Variants in AK9 observed in about 807,000 individuals in gnomAD.
The protein encoded by AK9 is adenylate kinase domain containing 1.
Under a neutral mutation model 239.6 loss-of-function variants are expected in AK9, and 191 were observed. That is an observed-to-expected ratio of 0.80 (90% CI 0.71 to 0.90). The LOEUF (loss-of-function observed/expected upper bound fraction) is 0.90, where lower values mean the gene tolerates loss of function less well. Ranked by LOEUF, AK9 falls within the 40% of genes least tolerant of loss-of-function variation. The pLI, the probability that AK9 is intolerant of heterozygous loss-of-function variation, is 0.00. For synonymous variants in AK9, 689 were observed against 721.0 expected (o/e 0.96, Z 0.71); for missense variants, 1,995 against 2,214.7 (o/e 0.90, Z 1.99).
intron 17 of AK9, among the ~76,000 whole-genome samples, chr6:109,603,234 G>A (rs142968463): frequency 1.7e-4 from 26 of 152,218 alleles, no homozygotes; most frequent in Non-Finnish European, 2.9e-4. Flanking sequence ...TGATGGTGAC[G>A]TACAGATGAG....
At chr6:109,511,713 AG>A (rs1778770916) in intron 32 of AK9, among the ~76,000 whole-genome samples, 2 of 152,230 alleles carry the variant, frequency 1.3e-5, no homozygotes, top group Admixed American at 6.5e-5. Context: ...CACCCAATAA[AG>A]AAGTTCCTAT....
At chr6:109,531,892 C>T (rs529904530) in intron 28 of AK9, among the ~76,000 whole-genome samples, 1 of 152,318 alleles carries the variant, frequency 6.6e-6, no homozygotes, top group Admixed American at 6.5e-5. Context: ...CTCTGCCTGT[C>T]TTGATACTGT....
chr6:109,646,966 A>G (rs1315793559), intron 8 of AK9, among the ~76,000 whole-genome samples: 1 of 152,250 alleles, frequency 6.6e-6, no homozygotes, highest in East Asian at 1.9e-4. Flanking sequence ...TTTTCAACCC[A>G]GAATTTCATA....
chr6:109,678,358 T>C (rs1215939806), intron 1 of AK9, among the ~76,000 whole-genome samples: 2 of 152,126 alleles, frequency 1.3e-5, no homozygotes, highest in Admixed American at 1.3e-4. Context: ...ATTCTTGAAA[T>C]GACAAAAATA....
chr6:109,506,280 A>C (rs753507310), intron 35 of AK9, 47 bp downstream of exon 35: 1 of 1,559,224 alleles, frequency 6.4e-7, no homozygotes, highest in Middle Eastern at 1.8e-4. Context: ...AGGCATGTTT[A>C]CACTTGAAAT....
chr6:109,504,665 C>T (rs1311185012), intron 35 of AK9, among the ~76,000 whole-genome samples: 1 of 151,384 alleles, frequency 6.6e-6, no homozygotes, highest in Non-Finnish European at 1.5e-5. Context: ...AAAAATTAGC[C>T]GGGCATGGTG....
At chr6:109,589,278 T>C (rs1789911561) in intron 17 of AK9, among the ~76,000 whole-genome samples, 2 of 152,182 alleles carry the variant, frequency 1.3e-5, no homozygotes, top group African/African-American at 4.8e-5. Flanking sequence ...GTTCTCCTTG[T>C]AGAGATCTTT....
At chr6:109,643,315 C>T (rs911023343) in intron 9 of AK9, among the ~76,000 whole-genome samples, 1 of 152,172 alleles carries the variant, frequency 6.6e-6, no homozygotes, top group Non-Finnish European at 1.5e-5. Flanking sequence ...ACCATGCTGC[C>T]ACCAGTCATA....
intron 31 of AK9, among the ~76,000 whole-genome samples, chr6:109,515,200 G>C (rs1779155857): frequency 6.6e-6 from 1 of 152,190 alleles, no homozygotes. Flanking sequence ...TTGGGTTCTT[G>C]GGTTATCTTT....
chr6:109,508,977 T>C (rs1229271516), intron 33 of AK9, among the ~76,000 whole-genome samples: 1 of 152,194 alleles, frequency 6.6e-6, no homozygotes, highest in African/African-American at 2.4e-5. Context: ...TGCCTGCTAA[T>C]CTGGCATGTG....
chr6:109,549,352 C>T (rs1784013506), intron 25 of AK9, among the ~76,000 whole-genome samples: 1 of 152,166 alleles, frequency 6.6e-6, no homozygotes, highest in African/African-American at 2.4e-5. Flanking sequence ...AGTAATCTTA[C>T]TTCCATAGAT....
intron 1 of AK9, among the ~76,000 whole-genome samples, chr6:109,678,771 G>A (rs1772148625): frequency 6.6e-6 from 1 of 152,130 alleles, no homozygotes; most frequent in African/African-American, 2.4e-5. Context: ...TCATCTCACT[G>A]GGACTGGTTA....
At chr6:109,495,716 C>G (rs375819619) in intron 38 of AK9, among the ~76,000 whole-genome samples, 1 of 152,212 alleles carries the variant, frequency 6.6e-6, no homozygotes, top group East Asian at 1.9e-4. Flanking sequence ...CCAAATGCCC[C>G]CTCACCCCCA....
intron 17 of AK9, among the ~76,000 whole-genome samples, chr6:109,609,119 C>CTA (rs1793276049): frequency 6.6e-6 from 1 of 152,144 alleles, no homozygotes; most frequent in Non-Finnish European, 1.5e-5. Context: ...CCATCTAATA[C>CTA]TATATATATT....
intron 8 of AK9, among the ~76,000 whole-genome samples, chr6:109,647,660 G>A (rs1265699209): frequency 1.3e-5 from 2 of 152,136 alleles, no homozygotes; most frequent in South Asian, 2.1e-4. Context: ...ACACCCCACT[G>A]TCAACATTAG....
chr6:109,514,255 A>G lies in AK9; in HGVS notation c.4248T>C (p.Ile1416=). 1 of 1,551,580 alleles carries G rather than the reference A, an allele frequency of 6.4e-7. No individual in the cohort carries two copies. Among genetic ancestry groups the G allele is most frequent in the South Asian group, 1.2e-5 (1 of 83,894 alleles). Residue 1416 remains isoleucine (I), a synonymous_variant, in exon 32 of 41, where the codon ATT becomes ATC. Coordinates refer to ENST00000424296, the MANE Select transcript of AK9 (RefSeq NM_001145128.3). ...TTTTCCCAGATTTTGGAGGCCCCAC[A>G]ATTATAATCCTAATGGGCACAGTAG... ...PKPTVPIRII[I]VGPPKSGKTT...
intron 12 of AK9, 83 bp downstream of exon 12, chr6:109,632,840 G>A: frequency 6.9e-7 from 1 of 1,456,462 alleles, no homozygotes; most frequent in South Asian, 1.4e-5. Flanking sequence ...TTATAATCGA[G>A]TATAGATACA....
chr6:109,613,025 G>A lies in AK9; in HGVS notation c.1610-932C>T, dbSNP rs189596152. ...ATATATTATATATTATAAATTGAAC[G>A]TTTATAGAATTTGATATAATCAATC... On this transcript the variant is annotated intron_variant, in intron 15 of 40. Coordinates refer to ENST00000424296, the MANE Select transcript of AK9 (RefSeq NM_001145128.3). Among the ~76,000 whole-genome samples, 1,132 of 148,454 alleles carry A rather than the reference G, an allele frequency of 7.6e-3. 5 individuals are homozygous for A. Among genetic ancestry groups the A allele is most frequent in the Non-Finnish European group, 0.013 (864 of 67,242 alleles).
chr6:109,566,058 T>C (rs962596034), intron 21 of AK9, among the ~76,000 whole-genome samples: 3 of 152,148 alleles, frequency 2.0e-5, no homozygotes, highest in African/African-American at 7.2e-5. Flanking sequence ...CTTCTCTGGC[T>C]TAATCAAAGA....
Sources: gnomAD v4.1 joint callset for allele counts (sites outside exome capture counted in the v4.1 genomes callset) on GRCh38, gnomAD v4.1.1 for gene constraint, MANE v1.5 for transcripts, NCBI Gene and HGNC (gene_info 2026-07-23, HGNC 2026-07-21) for gene names.